The following PELI2 variants were observed in gnomAD, a reference collection of about 807,000 sequenced individuals.
PELI2 encodes the protein pellino E3 ubiquitin protein ligase family member 2.
Under a neutral mutation model 42.3 loss-of-function variants are expected in PELI2, and 23 were observed. The ratio of observed to expected loss-of-function variants is 0.54; its 90% CI spans 0.39 to 0.77. The LOEUF (loss-of-function observed/expected upper bound fraction) is 0.77, where lower values mean the gene tolerates loss of function less well. PELI2 is among the 30% of genes least tolerant of loss of function. The pLI is 0.00. For missense variants in PELI2, 463 were observed against 553.2 expected (o/e 0.84, Z 1.64); for synonymous variants, 245 against 212.2 (o/e 1.15, Z -1.34).
chr14:56,263,468 C>T (rs1359409145), intron 2 of PELI2, among the ~76,000 whole-genome samples: 5 of 151,970 alleles, frequency 3.3e-5, no homozygotes, highest in Non-Finnish European at 7.4e-5. Flanking sequence ...AGGACTAAAA[C>T]AAATGAGAAA....
chr14:56,207,859 G>A (rs998886912), intron 2 of PELI2, among the ~76,000 whole-genome samples: 1 of 152,234 alleles, frequency 6.6e-6, no homozygotes, highest in Non-Finnish European at 1.5e-5. Context: ...ATCTTTGGCT[G>A]TCCTAGGGAC....
chr14:56,279,586 G>T (rs983152075), intron 2 of PELI2, 90 bp from the exon 3 acceptor site: 3 of 676,516 alleles, frequency 4.4e-6, no homozygotes, highest in Non-Finnish European at 7.6e-6. Context: ...GCTGGGCTTT[G>T]CCAGTAGAGT....
intron 2 of PELI2, among the ~76,000 whole-genome samples, chr14:56,271,539 A>G: frequency 6.6e-6 from 1 of 152,320 alleles, no homozygotes; most frequent in Middle Eastern, 3.4e-3. Flanking sequence ...GGACTGAAAT[A>G]TTAAATTACC....
At chr14:56,287,015 G>A (rs1371091487) in intron 3 of PELI2, among the ~76,000 whole-genome samples, 1 of 152,138 alleles carries the variant, frequency 6.6e-6, no homozygotes, top group Non-Finnish European at 1.5e-5. Flanking sequence ...CTCAGAATGT[G>A]GCCCTTCTAG....
At chr14:56,287,730 T>C (rs1405679722) in intron 3 of PELI2, among the ~76,000 whole-genome samples, 1 of 152,174 alleles carries the variant, frequency 6.6e-6, no homozygotes, top group Non-Finnish European at 1.5e-5. Flanking sequence ...AGAACGTATA[T>C]ATGAGATTTA....
At chr14:56,259,362 T>G (rs894718057) in intron 2 of PELI2, among the ~76,000 whole-genome samples, 2 of 152,148 alleles carry the variant, frequency 1.3e-5, no homozygotes, top group African/African-American at 2.4e-5. Flanking sequence ...GAATATTGAC[T>G]TTTAAGCCAA....
rs145856692 is a variant in PELI2, at chr14:56,188,130, C to T, written c.207+9666C>T. On this transcript the variant is annotated intron_variant, in intron 2 of 5. Coordinates refer to ENST00000267460, the MANE Select transcript of PELI2 (RefSeq NM_021255.3). ...CTCCTAGAATGCCTCTTGTAAATCC[C>T]CACAAGTGCTCTGACGCTGCATTGG... 1.7e-3 allele frequency among the ~76,000 whole-genome samples: 263 copies of T among 152,324 alleles called. 1 individual carries two copies. The highest frequency in any genetic ancestry group is 6.1e-3 in the African/African-American group (255 of 41,566).
At chr14:56,150,658 G>A (rs563330715) in intron 1 of PELI2, among the ~76,000 whole-genome samples, 1 of 152,296 alleles carries the variant, frequency 6.6e-6, no homozygotes, top group Non-Finnish European at 1.5e-5. Flanking sequence ...CTAAATATTT[G>A]AAGGGCTGTC....
intron 5 of PELI2, among the ~76,000 whole-genome samples, chr14:56,294,585 C>G (rs1273353394): frequency 1.2e-4 from 19 of 152,210 alleles, no homozygotes; most frequent in Admixed American, 1.2e-3. Flanking sequence ...TTACATGGTT[C>G]TTTTCCTCCA....
At chr14:56,200,466 C>G (rs376894131) in intron 2 of PELI2, among the ~76,000 whole-genome samples, 1 of 152,172 alleles carries the variant, frequency 6.6e-6, no homozygotes, top group Non-Finnish European at 1.5e-5. Flanking sequence ...TGTCTAATGC[C>G]GGAGCTTCCT....
chr14:56,186,202 T>C (rs1454777553), intron 2 of PELI2, among the ~76,000 whole-genome samples: 2 of 152,170 alleles, frequency 1.3e-5, no homozygotes, highest in African/African-American at 4.8e-5. Context: ...GAGGGGACTA[T>C]GAGCCAAGGA....
chr14:56,208,369 CTG>C (rs1415250916), intron 2 of PELI2, among the ~76,000 whole-genome samples: 3 of 152,198 alleles, frequency 2.0e-5, no homozygotes, highest in African/African-American at 7.2e-5. Context: ...TGGGAAATGA[CTG>C]TTCAGACAGG....
intron 5 of PELI2, among the ~76,000 whole-genome samples, chr14:56,294,579 A>G (rs1443691979): frequency 2.0e-5 from 3 of 152,120 alleles, no homozygotes; most frequent in East Asian, 1.9e-4. Flanking sequence ...TTTCCCTTAC[A>G]TGGTTCTTTT....
chr14:56,295,526 G>A (rs1008820620), intron 5 of PELI2, among the ~76,000 whole-genome samples: 4 of 152,120 alleles, frequency 2.6e-5, no homozygotes, highest in African/African-American at 9.7e-5. Flanking sequence ...CTCTGTTAAA[G>A]AAAAACCTTT....
At chr14:56,133,158 C>T (rs1272293716) in intron 1 of PELI2, among the ~76,000 whole-genome samples, 3 of 152,102 alleles carry the variant, frequency 2.0e-5, no homozygotes, top group Non-Finnish European at 4.4e-5. Flanking sequence ...TCATACACCT[C>T]ATTTTAAACA....
At chr14:56,212,863 A>G (rs910070748) in intron 2 of PELI2, among the ~76,000 whole-genome samples, 1 of 152,208 alleles carries the variant, frequency 6.6e-6, no homozygotes, top group East Asian at 1.9e-4. Context: ...AGAGAGGGGA[A>G]GCTTGAGCCA....
chr14:56,215,523 T>C (rs1397247173), intron 2 of PELI2, among the ~76,000 whole-genome samples: 1 of 152,232 alleles, frequency 6.6e-6, no homozygotes, highest in Non-Finnish European at 1.5e-5. Flanking sequence ...AAAACATCAT[T>C]AGTTCATGAA....
At chr14:56,266,047 G>A (rs1359497549) in intron 2 of PELI2, among the ~76,000 whole-genome samples, 1 of 152,030 alleles carries the variant, frequency 6.6e-6, no homozygotes, top group Non-Finnish European at 1.5e-5. Flanking sequence ...TAAAAAAGCA[G>A]TGAACTGTTG....
chr14:56,132,714 A>G (rs892501461), intron 1 of PELI2, among the ~76,000 whole-genome samples: 3 of 152,128 alleles, frequency 2.0e-5, no homozygotes, highest in South Asian at 2.1e-4. Context: ...AGTTTAAGTG[A>G]CTGTTTCTCT....
Sources: allele counts gnomAD v4.1 joint callset (sites outside exome capture counted in the v4.1 genomes callset), GRCh38; gene constraint gnomAD v4.1.1; transcripts MANE v1.5; gene names NCBI Gene and HGNC (gene_info 2026-07-23, HGNC 2026-07-21).